Variants in ZAP70 observed in about 807,000 individuals in gnomAD.
ZAP70 encodes the protein tyrosine-protein kinase ZAP-70.
ZAP70 carries 27 observed loss-of-function variants against 65.8 expected under a neutral mutation model. That is an observed-to-expected ratio of 0.41 (90% confidence interval 0.30 to 0.57). The LOEUF (loss-of-function observed/expected upper bound fraction) is 0.57. ZAP70 is among the 20% of genes least tolerant of loss of function. The pLI is 0.28. For synonymous variants in ZAP70, 363 were observed against 360.8 expected (o/e 1.01, Z -0.07); for missense variants, 696 against 870.5 (o/e 0.80, Z 2.52).
At chr2:97,750,308 G>A in the ZAP70 span, among the ~76,000 whole-genome samples, 1 of 152,346 alleles carries the variant, frequency 6.6e-6, no homozygotes, top group Middle Eastern at 3.4e-3. Flanking sequence ...GAGCTGGGGT[G>A]TCTCCTAAGA....
At chr2:97,716,995 A>G (rs1206338910) in intron 2 of ZAP70, among the ~76,000 whole-genome samples, 1 of 152,220 alleles carries the variant, frequency 6.6e-6, no homozygotes, top group Non-Finnish European at 1.5e-5. Flanking sequence ...TTTGAATCCA[A>G]TCCCTGCAGT....
downstream of ZAP70, among the ~76,000 whole-genome samples, chr2:97,744,675 G>C (rs1678206328): frequency 1.3e-5 from 2 of 152,152 alleles, no homozygotes; most frequent in African/African-American, 2.4e-5. Flanking sequence ...CTGAAAAAGA[G>C]AACAGAGAAT....
the ZAP70 span, among the ~76,000 whole-genome samples, chr2:97,750,316 A>C: frequency 1.3e-5 from 2 of 152,200 alleles, no homozygotes; most frequent in Non-Finnish European, 2.9e-5. Context: ...GTGTCTCCTA[A>C]GAGGGTGTCA....
At chr2:97,755,767 T>TTCTG in the ZAP70 span, among the ~76,000 whole-genome samples, 1 of 152,220 alleles carries the variant, frequency 6.6e-6, no homozygotes, top group East Asian at 1.9e-4. Flanking sequence ...TTCTCTCCTT[T>TTCTG]TCTGTCTTCC....
At position 97,737,943 on chromosome 2, in the gene ZAP70, T is replaced by TGAG. The variant is rs1281371220; in HGVS notation, c.1624-43_1624-41dup. On this transcript the variant is annotated intron_variant, in intron 12 of 13. Coordinates refer to ENST00000264972, the MANE Select transcript of ZAP70 (RefSeq NM_001079.4). The surrounding 1 kb of genome is among the most constrained non-coding windows in gnomAD (Gnocchi z 5.0). Reference sequence around the variant, plus strand: ...GTGGGCGGTGTGGTGGGGAGGGGGATGAGGAGGAGGACACTGGTCACTCAC... The same window carrying TGAG: ...GTGGGCGGTGTGGTGGGGAGGGGGATGAGGAGGAGGAGGACACTGGTCACTCAC... The TGAG allele has an allele frequency of 1.9e-6, 3 of 1,613,540 alleles. No homozygotes were observed. The highest frequency in any genetic ancestry group is 1.3e-5 in the African/African-American group (1 of 74,770).
At position 97,735,134 on chromosome 2, in the gene ZAP70, G is replaced by A. The variant is rs56134153; in HGVS notation, c.1083-116G>A. On this transcript the variant is annotated intron_variant, in intron 9 of 13. Coordinates refer to ENST00000264972, the MANE Select transcript of ZAP70 (RefSeq NM_001079.4). ...GCGCCTTGGTCCCAGCCTGGGTGGC[G>A]ACTACAGTTGTCTACCACACAACTC... is the stretch of plus-strand genomic sequence containing the variant. 1,104 of 1,309,082 alleles carry A rather than the reference G, an allele frequency of 8.4e-4. 12 individuals carry two copies. In the South Asian group the frequency reaches 0.01, roughly 12 times the overall value. 81.1% of individuals were successfully genotyped at this position (1,309,082 alleles called of 1,614,324 possible).
In ZAP70 at chr2:97,729,205, C is replaced by T. The variant is rs143420062; in HGVS notation, c.564-3678C>T. On this transcript the variant is annotated intron_variant, in intron 4 of 13. Coordinates refer to ENST00000264972, the MANE Select transcript of ZAP70 (RefSeq NM_001079.4). ...GGTCCTGAACCTCGTCCTTAGAACC[C>T]TTTTCAGGTCAAGAAGTTATGATTT... Among the ~76,000 whole-genome samples the T allele has an allele frequency of 2.9e-3, 443 of 152,316 alleles. 2 individuals are homozygous for T. Among genetic ancestry groups the T allele is most frequent in the African/African-American group, 1.0e-2 (414 of 41,556 alleles).
rs1677828656 is a variant in ZAP70, at chr2:97,735,407, A to G, written c.1240A>G (p.Met414Val). Reference sequence around the variant, plus strand: ...CCAGGCCGAGGCCCTCATGCTGGTCATGGAGATGGCTGGGGGCGGGCCGCT... The same window carrying G: ...CCAGGCCGAGGCCCTCATGCTGGTCGTGGAGATGGCTGGGGGCGGGCCGCT... The part of the protein sequence containing the change: ...VCQAEALMLV[M>V]EMAGGGPLHK... Residue 414 changes from methionine to valine, a missense_variant, in exon 10 of 14, where the codon ATG becomes GTG. Physicochemically the swap from Met to Val is conservative, Grantham distance 21 (BLOSUM62 1). Around this residue, in one of 3 missense-constraint regions of ZAP70, gnomAD observed 551 missense variants for 630.0 expected, o/e 0.87. Coordinates refer to ENST00000264972, the MANE Select transcript of ZAP70 (RefSeq NM_001079.4). 1 of 1,611,018 alleles carries G rather than the reference A, an allele frequency of 6.2e-7. No individual in the cohort carries two copies. Among genetic ancestry groups the G allele is most frequent in the Non-Finnish European group, 8.5e-7 (1 of 1,178,180 alleles).
At chr2:97,738,728 G>A (rs1678015560) in intron 13 of ZAP70, among the ~76,000 whole-genome samples, 1 of 151,926 alleles carries the variant, frequency 6.6e-6, no homozygotes, top group African/African-American at 2.4e-5. Context: ...TTAGCATGCT[G>A]ACACCCCAAC....
rs56067009 is a variant in ZAP70 at position 97,739,212 on chromosome 2, CCA to C, written c.1737-162_1737-161del. Among the ~76,000 whole-genome samples, 9,673 of 152,218 alleles carry C rather than the reference CCA, an allele frequency of 0.064. 646 individuals carry two copies. Among genetic ancestry groups the C allele is most frequent in the Non-Finnish European group, 0.083 (5,634 of 67,986 alleles). On this transcript the variant is annotated intron_variant, in intron 13 of 13. Coordinates refer to ENST00000264972, the MANE Select transcript of ZAP70 (RefSeq NM_001079.4). ...TGGCATTGCCCAACGCTCTCACACC[CCA>C]GAGTCCTCTCCACCACCCAATGTCC...
chr2:97,739,402 C>G lies in ZAP70; in HGVS notation c.1764C>G (p.Thr588=), dbSNP rs199772588. The G allele has an allele frequency of 9.9e-6, 16 of 1,613,608 alleles. No individual in the cohort carries two copies. In the Middle Eastern group the frequency reaches 6.6e-4, roughly 67 times the overall value. ...GGGAGGATCGCCCCGACTTCCTGAC[C>G]GTGGAGCAGCGCATGCGAGCCTGTT... is the stretch of plus-strand genomic sequence containing the variant. ...YKWEDRPDFL[T]VEQRMRACYY... is the part of the protein sequence containing the mutation. Residue 588 remains threonine (T), a synonymous_variant, in exon 14 of 14, where the codon ACC becomes ACG. Coordinates refer to ENST00000264972, the MANE Select transcript of ZAP70 (RefSeq NM_001079.4).
chr2:97,747,281 A>G, the ZAP70 span, among the ~76,000 whole-genome samples: 25 of 152,390 alleles, frequency 1.6e-4, no homozygotes, highest in African/African-American at 5.8e-4. Flanking sequence ...ATACAGTGGC[A>G]TTATTCATAA....
intron 8 of ZAP70, 62 bp downstream of exon 8, chr2:97,733,657 G>A: frequency 6.2e-7 from 1 of 1,607,740 alleles, no homozygotes; most frequent in Non-Finnish European, 8.5e-7. Context: ...CAGGGTCGCT[G>A]TCAGGGCTGT....
downstream of ZAP70, among the ~76,000 whole-genome samples, chr2:97,742,642 G>A (rs985010244): frequency 9.9e-5 from 15 of 152,224 alleles, no homozygotes; most frequent in Non-Finnish European, 1.2e-4. Context: ...CCTTGTCTGA[G>A]GTATCTCTGA....
At chr2:97,743,509 T>C (rs1678179808), downstream of ZAP70, among the ~76,000 whole-genome samples, 1 of 152,210 alleles carries the variant, frequency 6.6e-6, no homozygotes. Flanking sequence ...CTAATTTTTG[T>C]ATTTTTAGTA....
In ZAP70 at chr2:97,724,376, G is replaced by T. The variant is rs1677290184; in HGVS notation, c.340G>T (p.Val114Phe). ...RPSGLEPQPG[V>F]FDCLRDAMVR... Reference sequence around the variant, plus strand: ...GTCGGGCCTCGAGCCGCAGCCGGGGGTCTTCGACTGCCTGCGAGACGCCAT... The same window carrying T: ...GTCGGGCCTCGAGCCGCAGCCGGGGTTCTTCGACTGCCTGCGAGACGCCAT... Residue 114 changes from valine to phenylalanine, a missense_variant, in exon 3 of 14, where the codon GTC (valine) becomes TTC (phenylalanine). Physicochemically the swap from Val to Phe is conservative, Grantham distance 50. Coordinates refer to ENST00000264972, the MANE Select transcript of ZAP70 (RefSeq NM_001079.4). 2.6e-6 allele frequency: 4 copies of T among 1,542,390 alleles called. No individual in the cohort carries two copies. Among genetic ancestry groups the T allele is most frequent in the Admixed American group, 1.9e-5 (1 of 53,944 alleles).
At chr2:97,723,917 C>A (rs1677260751) in intron 2 of ZAP70, 99 bp from the exon 3 acceptor site, 2 of 1,384,132 alleles carry the variant, frequency 1.4e-6, no homozygotes, top group African/African-American at 1.4e-5. Context: ...GTCTGCGGCA[C>A]TGATGCCCTC....
chr2:97,724,639 C>G, intron 3 of ZAP70: 1 of 1,532,350 alleles, frequency 6.5e-7, no homozygotes, highest in Non-Finnish European at 8.7e-7. Flanking sequence ...GGTCGCCTTC[C>G]GCAGGCTGAG....
At chr2:97,724,802 C>T (rs1559320684) in intron 3 of ZAP70, 6 of 1,508,554 alleles carry the variant, frequency 4.0e-6, no homozygotes, top group Non-Finnish European at 4.4e-6. Flanking sequence ...GGAAGATGGG[C>T]AGTAGTCGTC....
Sources: gnomAD v4.1 joint callset for allele counts (sites outside exome capture counted in the v4.1 genomes callset) on GRCh38, gnomAD v4.1.1 for gene constraint, gnomAD v4.1.1 regional missense constraint, Gnocchi (gnomAD v3.1) non-coding constraint, MANE v1.5 for transcripts, NCBI Gene and HGNC (gene_info 2026-07-23, HGNC 2026-07-21) for gene names.